PPP2R2B: variants seen among roughly 807,000 people sequenced by gnomAD.
PPP2R2B encodes the protein protein phosphatase 2 regulatory subunit Bbeta.
In PPP2R2B, 5 loss-of-function variants were observed where a neutral mutation model predicts 46.0. The ratio of observed to expected loss-of-function variants is 0.11; its 90% confidence interval spans 0.06 to 0.23. PPP2R2B has a LOEUF of 0.23. Ranked by LOEUF, PPP2R2B falls within the 10% of genes least tolerant of loss-of-function variation. The pLI is 1.00. For missense variants in PPP2R2B, 367 were observed against 575.0 expected (o/e 0.64, Z 3.70); for synonymous variants, 215 against 206.7 (o/e 1.04, Z -0.34).
chr5:146,737,686 C>T (rs1242733325), intron 2 of PPP2R2B, among the ~76,000 whole-genome samples: 1 of 152,156 alleles, frequency 6.6e-6, no homozygotes, highest in Non-Finnish European at 1.5e-5. Context: ...ATAAGCCTTT[C>T]ATCCCAGTGA....
At chr5:147,075,832 C>G (rs62377632) in intron 2 of PPP2R2B, among the ~76,000 whole-genome samples, 1 of 152,146 alleles carries the variant, frequency 6.6e-6, no homozygotes, top group Non-Finnish European at 1.5e-5. Flanking sequence ...TGTCTCTCAT[C>G]AGACTTCCTA....
intron 1 of PPP2R2B, among the ~76,000 whole-genome samples, chr5:146,913,265 G>A (rs1763257403): frequency 6.6e-6 from 1 of 152,186 alleles, no homozygotes; most frequent in African/African-American, 2.4e-5. Context: ...GTAGGAGAAG[G>A]CAGAGGGAAA....
intron 2 of PPP2R2B, among the ~76,000 whole-genome samples, chr5:146,762,150 C>A (rs1754205202): frequency 6.6e-6 from 1 of 152,138 alleles, no homozygotes; most frequent in African/African-American, 2.4e-5. Context: ...GGTAGAATTC[C>A]TTTAATGGAC....
chr5:146,877,922 G>A (rs1761994004), intron 2 of PPP2R2B, 80 bp downstream of exon 2: 3 of 1,501,736 alleles, frequency 2.0e-6, no homozygotes, highest in Non-Finnish European at 2.7e-6. Flanking sequence ...CCGCCACTAC[G>A]CGCCCAGCTG....
chr5:146,899,543 G>A (rs1762757715), intron 1 of PPP2R2B, among the ~76,000 whole-genome samples: 1 of 151,676 alleles, frequency 6.6e-6, no homozygotes, highest in Non-Finnish European at 1.5e-5. Flanking sequence ...GTTAATGGGT[G>A]CAGCACACCA....
chr5:146,896,097 G>A (rs1762636014), intron 1 of PPP2R2B, among the ~76,000 whole-genome samples: 1 of 152,064 alleles, frequency 6.6e-6, no homozygotes, highest in Non-Finnish European at 1.5e-5. Context: ...AAAGGCTATG[G>A]TCAGGCTTTT....
chr5:146,715,770 A>G (rs1022768023), intron 2 of PPP2R2B, among the ~76,000 whole-genome samples: 1 of 151,150 alleles, frequency 6.6e-6, no homozygotes, highest in African/African-American at 2.4e-5. Context: ...TTTTCCCTCC[A>G]CCTTCTATTA....
chr5:146,928,982 T>C (rs1179013552), intron 1 of PPP2R2B, among the ~76,000 whole-genome samples: 1 of 152,204 alleles, frequency 6.6e-6, no homozygotes, highest in Non-Finnish European at 1.5e-5. Flanking sequence ...TTGCATTGGC[T>C]ATTTTCTTTT....
At chr5:146,946,843 G>T (rs1354739070) in intron 1 of PPP2R2B, among the ~76,000 whole-genome samples, 3 of 151,990 alleles carry the variant, frequency 2.0e-5, no homozygotes, top group Non-Finnish European at 4.4e-5. Flanking sequence ...CCCTTCTAAA[G>T]TGGCTGCCAA....
At position 146,873,672 on chromosome 5, in the gene PPP2R2B, C is replaced by T. The variant is rs145613431; in HGVS notation, c.70+4330G>A. Among the ~76,000 whole-genome samples, 370 of 152,168 alleles carry T rather than the reference C, an allele frequency of 2.4e-3. 2 individuals carry two copies. Among genetic ancestry groups the T allele is most frequent in the African/African-American group, 8.4e-3 (350 of 41,514 alleles). On this transcript the variant is annotated intron_variant, in intron 2 of 9. Coordinates refer to ENST00000394411, the MANE Select transcript of PPP2R2B (RefSeq NM_181675.4). ...CTGTCACCAGACTGGAGTGCGGTGT[C>T]GCGACCTCGGCTCACTGCAACCTCT...
chr5:146,782,857 G>C (rs1449191223), intron 2 of PPP2R2B, among the ~76,000 whole-genome samples: 2 of 151,886 alleles, frequency 1.3e-5, no homozygotes, highest in East Asian at 1.9e-4. Flanking sequence ...GAGAGACAGA[G>C]AGAAACAGAG....
At chr5:146,816,332 TGAGG>T (rs1757931707) in intron 2 of PPP2R2B, among the ~76,000 whole-genome samples, 1 of 152,190 alleles carries the variant, frequency 6.6e-6, no homozygotes, top group Admixed American at 6.5e-5. Flanking sequence ...CCCAGGAGGC[TGAGG>T]CGGCAGTGAG....
exon 2 of PPP2R2B, chr5:147,081,133 A>G: frequency 1.3e-6 from 2 of 1,535,622 alleles, no homozygotes; most frequent in African/African-American, 1.4e-5. Flanking sequence ...GAGTGTCCCA[A>G]TTCCTGAAAA....
At chr5:146,703,990 A>G (rs928067425) in intron 2 of PPP2R2B, among the ~76,000 whole-genome samples, 1 of 152,174 alleles carries the variant, frequency 6.6e-6, no homozygotes, top group African/African-American at 2.4e-5. Context: ...ACCTGTTTAT[A>G]TCATGCTATT....
intron 2 of PPP2R2B, among the ~76,000 whole-genome samples, chr5:146,734,620 C>A (rs1752429743): frequency 6.6e-6 from 1 of 152,062 alleles, no homozygotes; most frequent in Admixed American, 6.6e-5. Flanking sequence ...ATTCCAGACA[C>A]CCCACCCCCT....
chr5:146,730,369 G>C (rs1462131202), intron 2 of PPP2R2B, among the ~76,000 whole-genome samples: 3 of 152,180 alleles, frequency 2.0e-5, no homozygotes, highest in African/African-American at 4.8e-5. Flanking sequence ...TGAGACTTTG[G>C]ACTGTGGACT....
chr5:146,675,076 C>T (rs931926671), intron 5 of PPP2R2B, among the ~76,000 whole-genome samples: 12 of 152,150 alleles, frequency 7.9e-5, no homozygotes, highest in African/African-American at 2.9e-4. Flanking sequence ...GATTCTCGCA[C>T]CTCAGCCTCC....
chr5:146,593,862 G>A (rs1313597469), intron 8 of PPP2R2B, among the ~76,000 whole-genome samples: 1 of 152,226 alleles, frequency 6.6e-6, no homozygotes, highest in Non-Finnish European at 1.5e-5. Context: ...TGCTGAATCT[G>A]CTGTGTTGCA....
chr5:146,835,947 C>T (rs58274851), intron 2 of PPP2R2B, among the ~76,000 whole-genome samples: 6,500 of 152,108 alleles, frequency 0.043, 210 homozygotes, highest in African/African-American at 0.092. Flanking sequence ...AGCTATGGGA[C>T]CAATTATGAA....
Sources: gnomAD v4.1 joint callset for allele counts (sites outside exome capture counted in the v4.1 genomes callset) on GRCh38, gnomAD v4.1.1 for gene constraint, MANE v1.5 for transcripts, NCBI Gene and HGNC (gene_info 2026-07-23, HGNC 2026-07-21) for gene names.